Variants in MIPOL1 observed in about 807,000 individuals in gnomAD.
The protein encoded by MIPOL1 is mirror-image polydactyly 1.
In MIPOL1, 57 loss-of-function variants were observed where a neutral mutation model predicts 60.9. That is an observed-to-expected ratio of 0.94 (90% CI 0.76 to 1.17). The LOEUF is 1.17. Among genes scored for constraint, MIPOL1 ranks in the 50% most tolerant of loss-of-function variants. The pLI is 0.00. For synonymous variants in MIPOL1, 179 were observed against 168.8 expected (o/e 1.06, Z -0.47); for missense variants, 551 against 511.6 (o/e 1.08, Z -0.74).
intron 6 of MIPOL1, among the ~76,000 whole-genome samples, chr14:37,272,483 C>A (rs1456601793): frequency 1.3e-5 from 2 of 151,470 alleles, no homozygotes; most frequent in Non-Finnish European, 3.0e-5. Flanking sequence ...GACTTTTGAA[C>A]CTTTTCATAT....
chr14:37,231,667 G>A (rs559087996), intron 1 of MIPOL1, among the ~76,000 whole-genome samples: 1 of 152,032 alleles, frequency 6.6e-6, no homozygotes, highest in East Asian at 1.9e-4. Flanking sequence ...GTAAGCTAAT[G>A]GAAATTTCAT....
intron 11 of MIPOL1, among the ~76,000 whole-genome samples, chr14:37,469,028 G>A (rs1216246128): frequency 6.6e-6 from 1 of 152,162 alleles, no homozygotes; most frequent in Non-Finnish European, 1.5e-5. Flanking sequence ...AGCCATCAAA[G>A]TGTTTTAATC....
chr14:37,379,061 C>G (rs1382104237), intron 10 of MIPOL1, among the ~76,000 whole-genome samples: 2 of 151,894 alleles, frequency 1.3e-5, no homozygotes, highest in African/African-American at 4.8e-5. Context: ...GATGTAATGC[C>G]TACTACAAAG....
chr14:37,226,228 G>C (rs878916771), intron 1 of MIPOL1, among the ~76,000 whole-genome samples: 1 of 152,132 alleles, frequency 6.6e-6, no homozygotes, highest in Admixed American at 6.5e-5. Context: ...CCACATTTTT[G>C]GGTATCCACA....
chr14:37,199,464 T>C (rs1423851926), intron 1 of MIPOL1, among the ~76,000 whole-genome samples: 2 of 152,234 alleles, frequency 1.3e-5, no homozygotes, highest in Non-Finnish European at 2.9e-5. Flanking sequence ...TTTTTGGCTA[T>C]TACCAATAGG....
chr14:37,299,757 A>G (rs2086202326), intron 7 of MIPOL1, among the ~76,000 whole-genome samples: 2 of 152,078 alleles, frequency 1.3e-5, no homozygotes, highest in East Asian at 1.9e-4. Flanking sequence ...GTATTGTTAC[A>G]TAACTATTAA....
intron 12 of MIPOL1, among the ~76,000 whole-genome samples, chr14:37,533,933 C>A (rs1380380302): frequency 1.3e-5 from 2 of 151,748 alleles, no homozygotes; most frequent in Admixed American, 6.6e-5. Context: ...TACTAAAGTA[C>A]AAAAAATTAG....
At chr14:37,213,745 A>G (rs544013862) in intron 1 of MIPOL1, among the ~76,000 whole-genome samples, 33 of 152,298 alleles carry the variant, frequency 2.2e-4, no homozygotes, top group African/African-American at 7.7e-4. Context: ...AAGCAGATTT[A>G]ACCCAAAGAA....
intron 11 of MIPOL1, among the ~76,000 whole-genome samples, chr14:37,441,857 G>T (rs2094251432): frequency 6.6e-6 from 1 of 152,070 alleles, no homozygotes; most frequent in South Asian, 2.1e-4. Context: ...TCTTTGGGTA[G>T]CATGGTCATT....
At chr14:37,312,802 T>G (rs2087469227) in intron 9 of MIPOL1, among the ~76,000 whole-genome samples, 1 of 152,086 alleles carries the variant, frequency 6.6e-6, no homozygotes, top group Admixed American at 6.6e-5. Flanking sequence ...TTCTTTATCA[T>G]TTTTTTGGCC....
intron 1 of MIPOL1, among the ~76,000 whole-genome samples, chr14:37,243,487 T>C (rs1419269743): frequency 2.0e-5 from 3 of 152,244 alleles, no homozygotes; most frequent in Non-Finnish European, 2.9e-5. Context: ...GCAGAAATTA[T>C]CAACATTTCT....
intron 10 of MIPOL1, among the ~76,000 whole-genome samples, chr14:37,418,392 C>A (rs1281290362): frequency 6.6e-6 from 1 of 152,062 alleles, no homozygotes; most frequent in Non-Finnish European, 1.5e-5. Context: ...TGGCATTGGT[C>A]AAGACTGATA....
intron 11 of MIPOL1, among the ~76,000 whole-genome samples, chr14:37,425,660 T>A (rs1452661665): frequency 1.3e-5 from 2 of 152,202 alleles, no homozygotes; most frequent in African/African-American, 4.8e-5. Context: ...AGCACAGTGT[T>A]TGGTTTATTG....
chr14:37,399,713 A>G (rs1385721725), intron 10 of MIPOL1: 1 of 152,190 alleles, frequency 6.6e-6, no homozygotes, highest in African/African-American at 2.4e-5. Flanking sequence ...TGGATGATCC[A>G]TTATTGTCAA....
chr14:37,433,957 A>G (rs957426198), intron 11 of MIPOL1, among the ~76,000 whole-genome samples: 2 of 152,130 alleles, frequency 1.3e-5, no homozygotes, highest in Non-Finnish European at 2.9e-5. Context: ...GTTGGTTCCA[A>G]GTGTTTCCTA....
intron 9 of MIPOL1, among the ~76,000 whole-genome samples, chr14:37,356,626 C>T (rs2091857793): frequency 6.6e-6 from 1 of 152,194 alleles, no homozygotes; most frequent in Non-Finnish European, 1.5e-5. Context: ...GTTTTTTAAG[C>T]CTGTCAGAAA....
At position 37,308,437 on chromosome 14, in the gene MIPOL1, A is replaced by G. The variant is rs201842805; in HGVS notation, c.746A>G (p.Tyr249Cys). The G allele has an allele frequency of 7.5e-5, 120 of 1,606,018 alleles. No homozygotes were observed. Among genetic ancestry groups the G allele is most frequent in the Middle Eastern group, 6.6e-4 (4 of 6,034 alleles). ...KNGAIIVDRIYKTKECKMRIT... is the reference protein window; with the variant it reads ...KNGAIIVDRICKTKECKMRIT... ...GGAGCTATAATTGTGGATAGAATCTACAAGACCAAGGAATGTAAAATGAGA... is the reference window on the plus strand; with the variant it reads ...GGAGCTATAATTGTGGATAGAATCTGCAAGACCAAGGAATGTAAAATGAGA... The change falls in exon 9 of 13, where the codon TAC becomes TGC. Residue 249 changes from tyrosine (Y) to cysteine (C), a missense_variant. Tyr to Cys is a radical substitution (Grantham distance 194). Transcript: ENST00000684589.
chr14:37,443,180 G>T (rs1362714261), intron 11 of MIPOL1, among the ~76,000 whole-genome samples: 2 of 152,018 alleles, frequency 1.3e-5, no homozygotes, highest in Admixed American at 6.6e-5. Flanking sequence ...GTCATAAAAA[G>T]AAATAGAAAC....
At position 37,331,648 on chromosome 14, in the gene MIPOL1, C is replaced by G. The variant is rs534258292; in HGVS notation, c.828+23129C>G. ...CTACAACTTTACTGAATTCATTTAT[C>G]AGTTCTAATAGTTTTTTTGTGTAGT... On this transcript the variant is annotated intron_variant, in intron 9 of 12. Coordinates refer to ENST00000684589, the MANE Select transcript of MIPOL1 (RefSeq NM_001388067.1). Among the ~76,000 whole-genome samples, 4 of 151,270 alleles carry G rather than the reference C, an allele frequency of 2.6e-5. No individual in the cohort carries two copies. In the South Asian group the frequency reaches 8.3e-4, roughly 32 times the overall value.
Sources: allele counts gnomAD v4.1 joint callset (sites outside exome capture counted in the v4.1 genomes callset), GRCh38; gene constraint gnomAD v4.1.1; transcripts MANE v1.5; gene names NCBI Gene and HGNC (gene_info 2026-07-23, HGNC 2026-07-21).